BORA: variants seen among roughly 807,000 people sequenced by gnomAD.
BORA encodes protein aurora borealis.
Under a neutral mutation model 55.8 loss-of-function variants are expected in BORA, and 26 were observed. That is an observed-to-expected ratio of 0.47 (90% CI 0.34 to 0.65). BORA has a LOEUF of 0.65. Among genes scored for constraint, BORA ranks in the 30% least tolerant of loss-of-function variants. The pLI is 0.01. For missense variants in BORA, 568 were observed against 671.5 expected, an observed-to-expected ratio of 0.85 and a Z score of 1.70; for synonymous variants, 201 against 216.9, an observed-to-expected ratio of 0.93 and a Z score of 0.64.
At chr13:72,748,927 A>AT (rs1170218853) in intron 10 of BORA, among the ~76,000 whole-genome samples, 18 of 152,242 alleles carry the variant, frequency 1.2e-4, no homozygotes, top group Non-Finnish European at 2.4e-4. Flanking sequence ...TATTCCATTC[A>AT]TTTTTTAACT....
At chr13:72,739,075 C>A (rs1396521972) in intron 5 of BORA, among the ~76,000 whole-genome samples, 14 of 152,268 alleles carry the variant, frequency 9.2e-5, no homozygotes, top group Admixed American at 8.5e-4. Context: ...TCAAATTATT[C>A]TCTTTGTACC....
At position 72,755,268 on chromosome 13, in the gene BORA, G is replaced by T; in HGVS notation, c.*52G>T. On this transcript the variant is annotated 3_prime_UTR_variant, in exon 12 of 12. Transcript: ENST00000390667. ...AGCTTAAGAGTTCCTCGCATATATC[G>T]TTGTGCACAGGATCAACATGATGGT... The T allele has an allele frequency of 6.9e-7, 1 of 1,444,992 alleles. No individual in the cohort carries two copies. The highest frequency in any genetic ancestry group is 9.7e-7 in the Non-Finnish European group (1 of 1,030,932). The allele number at this position is 1,444,992 out of a possible 1,614,324, so 89.5% of individuals were successfully genotyped here.
chr13:72,751,688 G>C (rs995215716), intron 10 of BORA, among the ~76,000 whole-genome samples: 1 of 152,158 alleles, frequency 6.6e-6, no homozygotes, highest in Non-Finnish European at 1.5e-5. Context: ...TATACGGTGA[G>C]TGTAATTAAC....
intron 1 of BORA, 149 bp downstream of exon 1, chr13:72,728,156 G>A (rs1404249693): frequency 9.1e-7 from 1 of 1,104,940 alleles, no homozygotes. Context: ...CAGAAAGAGT[G>A]GCCACGTAGG....
chr13:72,750,393 A>C (rs2033243085), intron 10 of BORA, among the ~76,000 whole-genome samples: 1 of 151,978 alleles, frequency 6.6e-6, no homozygotes, highest in East Asian at 1.9e-4. Flanking sequence ...TCTGGAGTTT[A>C]GTTGTGAAGG....
intron 5 of BORA, among the ~76,000 whole-genome samples, chr13:72,742,815 A>G (rs1442445996): frequency 6.6e-6 from 1 of 150,860 alleles, no homozygotes; most frequent in East Asian, 1.9e-4. Context: ...CACACACAAA[A>G]TGGAATACTA....
chr13:72,749,311 G>A (rs1261113280), intron 10 of BORA, among the ~76,000 whole-genome samples: 1 of 151,964 alleles, frequency 6.6e-6, no homozygotes, highest in African/African-American at 2.4e-5. Flanking sequence ...TTGTCTACAG[G>A]GTTCTGAAAT....
In BORA at chr13:72,728,042, C is replaced by G. The variant is rs140385983; in HGVS notation, c.-16+35C>G. 510 of 1,550,526 alleles carry G rather than the reference C, an allele frequency of 3.3e-4. No homozygotes were observed. In the African/African-American group the frequency reaches 5.4e-3, roughly 16 times the overall value. ...CTCTTTGTGGTCCCTGGCCTTTCCT[C>G]CTGTCTGAATGGAGAGGTTTCTTTT... On this transcript the variant is annotated intron_variant, in intron 1 of 11. Transcript: ENST00000390667.
rs192269678 is a variant in BORA, at chr13:72,731,044, G to A, written c.154-237G>A. ...GATTACACCAGTGCACTCCAGCCTC[G>A]GTGACAGAACGAGACTCTGTCTTAA... On this transcript the variant is annotated intron_variant, in intron 2 of 11. Transcript: ENST00000390667. Among the ~76,000 whole-genome samples the A allele has an allele frequency of 1.5e-3, 234 of 152,130 alleles. 2 individuals are homozygous for A. Among genetic ancestry groups the A allele is most frequent in the African/African-American group, 5.1e-3 (211 of 41,470 alleles).
At chr13:72,744,864 T>C (rs1811387202) in intron 7 of BORA, 117 bp from the exon 8 acceptor site, 1 of 936,186 alleles carries the variant, frequency 1.1e-6, no homozygotes, top group Admixed American at 2.7e-5. Flanking sequence ...AACTTTGCCC[T>C]CTTTTTGGGA....
At chr13:72,752,117 T>C (rs1407868773) in intron 10 of BORA, 2 of 152,188 alleles carry the variant, frequency 1.3e-5, no homozygotes, top group African/African-American at 4.8e-5. Context: ...AGAGACACCA[T>C]TTAAAGGCAC....
rs1225448927 is a variant in BORA at position 72,744,553 on chromosome 13, ATATAT to A, written c.506_510del (p.Ile169ArgfsTer2). ...CTTCCTGTGGATTTTAATTTAGAAA[ATATAT>A]TAGGTAAATACTGTATTTGTTTAAA... On this transcript the variant is annotated frameshift_variant, in exon 7 of 12. Coordinates refer to ENST00000390667, the MANE Select transcript of BORA (RefSeq NM_024808.5). LOFTEE classifies it high-confidence loss of function. 5 of 1,604,984 alleles carry A rather than the reference ATATAT, an allele frequency of 3.1e-6. No individual in the cohort carries two copies. In the African/African-American group the frequency reaches 5.4e-5, roughly 17 times the overall value.
At chr13:72,745,332 AGT>A in intron 8 of BORA, 125 bp downstream of exon 8, 1 of 756,152 alleles carries the variant, frequency 1.3e-6, no homozygotes, top group Non-Finnish European at 2.1e-6. Context: ...CTAGTAAATA[AGT>A]GGAAAAGAGG....
In BORA at chr13:72,746,916, C is replaced by A. The variant is rs1340143276; in HGVS notation, c.1287C>A (p.Asp429Glu). Residue 429 changes from aspartate to glutamate, a missense_variant, in exon 10 of 12, where the codon GAC becomes GAA. Physicochemically the swap from Asp to Glu is conservative, Grantham distance 45. Coordinates refer to ENST00000390667, the MANE Select transcript of BORA (RefSeq NM_024808.5). ...ALLQDVEREK[D>E]NNTVDMVDPI... ...TGCAGGATGTTGAAAGGGAGAAAGA[C>A]AATAACACTGTGGATATGGTTGATC... The A allele has an allele frequency of 6.2e-7, 1 of 1,613,978 alleles. No homozygotes were observed. The highest frequency in any genetic ancestry group is 1.3e-5 in the African/African-American group (1 of 74,906).
chr13:72,745,831 G>C (rs1162068740), intron 8 of BORA, 113 bp from the exon 9 acceptor site: 4 of 861,592 alleles, frequency 4.6e-6, no homozygotes, highest in South Asian at 2.9e-5. Context: ...GGTGGTTCTC[G>C]TGAACTATTA....
intron 2 of BORA, among the ~76,000 whole-genome samples, chr13:72,730,401 G>A (rs111391944): frequency 1.2e-4 from 18 of 152,262 alleles, no homozygotes; most frequent in African/African-American, 4.1e-4. Context: ...GGCATCTTGC[G>A]TTTTTAGGAC....
intron 10 of BORA, among the ~76,000 whole-genome samples, chr13:72,748,887 ACTAT>A (rs754914429): frequency 4.6e-5 from 7 of 152,108 alleles, no homozygotes; most frequent in Non-Finnish European, 8.8e-5. Flanking sequence ...AACTTGTCAA[ACTAT>A]CTATGCTTAA....
chr13:72,753,728 TATTATGG>T lies in BORA; in HGVS notation c.1524_1530del (p.Met509GlnfsTer27), dbSNP rs1658821555. Reference sequence around the variant, plus strand: ...ATAATACGCAGAATTGTGGAAGCAATATTATGGATACAGTTGGGGCAGAAAGTTACTG... The same window carrying T: ...ATAATACGCAGAATTGTGGAAGCAATATACAGTTGGGGCAGAAAGTTACTG... On this transcript the variant is annotated frameshift_variant, in exon 11 of 12. Transcript: ENST00000390667. LOFTEE classifies it high-confidence loss of function. 6.2e-7 allele frequency: 1 copy of T among 1,613,646 alleles called. No individual in the cohort carries two copies. Among genetic ancestry groups the T allele is most frequent in the Non-Finnish European group, 8.5e-7 (1 of 1,179,716 alleles).
At chr13:72,735,587 A>G (rs1325172946) in intron 4 of BORA, among the ~76,000 whole-genome samples, 1 of 152,122 alleles carries the variant, frequency 6.6e-6, no homozygotes, top group African/African-American at 2.4e-5. Flanking sequence ...CTTTCTTAGC[A>G]TCTAAATAAG....
Sources: allele counts gnomAD v4.1 joint callset (sites outside exome capture counted in the v4.1 genomes callset), GRCh38; gene constraint gnomAD v4.1.1; transcripts MANE v1.5; gene names NCBI Gene and HGNC (gene_info 2026-07-23, HGNC 2026-07-21).